Variants in ROR1 observed in about 807,000 individuals in gnomAD.
The protein encoded by ROR1 is ROR family WNT receptor 1.
ROR1 carries 19 observed loss-of-function variants against 78.8 expected under a neutral mutation model. That is an observed-to-expected ratio of 0.24 (90% CI 0.17 to 0.35). ROR1 has a LOEUF of 0.35. Ranked by LOEUF, ROR1 falls within the 10% of genes least tolerant of loss-of-function variation. The pLI is 1.00. For synonymous variants in ROR1, 386 were observed against 433.6 expected, an observed-to-expected ratio of 0.89 and a Z score of 1.36; for missense variants, 917 against 1,177.8, an observed-to-expected ratio of 0.78 and a Z score of 3.24.
At chr1:63,967,667 G>T (rs575800517) in intron 1 of ROR1, among the ~76,000 whole-genome samples, 1 of 152,296 alleles carries the variant, frequency 6.6e-6, no homozygotes, top group Non-Finnish European at 1.5e-5. Context: ...AAAGTGACCT[G>T]CCCCAGTCCT....
Position 63,915,983 on chromosome 1 carries a change from A to G in ROR1, c.92-93322A>G, listed in dbSNP as rs187990344. Among the ~76,000 whole-genome samples the G allele has an allele frequency of 2.0e-5, 3 of 152,256 alleles. No homozygotes were observed. The East Asian group carries it at 5.8e-4, about 29-fold the overall frequency. ...CCACTGCAGTGTCCCTCTGGGAAAC[A>G]TGAATCTGTTCCTGGCACCTCTCTA... is the stretch of plus-strand genomic sequence containing the variant. On this transcript the variant is annotated intron_variant, in intron 1 of 8. Coordinates refer to ENST00000371079, the MANE Select transcript of ROR1 (RefSeq NM_005012.4).
intron 1 of ROR1, among the ~76,000 whole-genome samples, chr1:63,938,470 G>A (rs1645810692): frequency 6.6e-6 from 1 of 152,042 alleles, no homozygotes; most frequent in South Asian, 2.1e-4. Flanking sequence ...TCCCCACACT[G>A]AGCACCATTT....
chr1:63,965,346 G>A (rs978646340), intron 1 of ROR1, among the ~76,000 whole-genome samples: 6 of 152,030 alleles, frequency 3.9e-5, no homozygotes, highest in African/African-American at 7.2e-5. Context: ...CTTGCTTCTC[G>A]GCACTTGCTC....
intron 7 of ROR1, among the ~76,000 whole-genome samples, chr1:64,147,101 A>G (rs1158412303): frequency 2.0e-5 from 3 of 152,244 alleles, no homozygotes; most frequent in Non-Finnish European, 4.4e-5. Context: ...GGATTACATC[A>G]TGCCGATTTC....
chr1:63,986,575 G>T (rs576625029), intron 1 of ROR1, among the ~76,000 whole-genome samples: 3 of 152,186 alleles, frequency 2.0e-5, no homozygotes, highest in Non-Finnish European at 4.4e-5. Flanking sequence ...GCCCAGCAAA[G>T]GTTCTAACCC....
intron 1 of ROR1, among the ~76,000 whole-genome samples, chr1:63,991,504 G>A (rs1024714629): frequency 3.3e-5 from 5 of 152,174 alleles, no homozygotes; most frequent in Admixed American, 2.6e-4. Context: ...TTGGAATGAT[G>A]CCACACTGCC....
At chr1:64,050,111 G>T in intron 3 of ROR1, 133 bp downstream of exon 3, 2 of 1,001,110 alleles carry the variant, frequency 2.0e-6, no homozygotes, top group Non-Finnish European at 2.9e-6. Context: ...CCCTAAACCT[G>T]GTATGGTTGT....
At chr1:63,938,275 A>C (rs1269551436) in intron 1 of ROR1, among the ~76,000 whole-genome samples, 1 of 152,214 alleles carries the variant, frequency 6.6e-6, no homozygotes, top group Non-Finnish European at 1.5e-5. Context: ...TCTGGAGATG[A>C]TTTAAAGTAT....
At chr1:63,814,424 C>T (rs932671625) in intron 1 of ROR1, among the ~76,000 whole-genome samples, 1 of 152,106 alleles carries the variant, frequency 6.6e-6, no homozygotes, top group South Asian at 2.1e-4. Context: ...AGTTCTTCCA[C>T]CGATGGGGTG....
chr1:64,067,033 T>G (rs1238941512), intron 4 of ROR1, among the ~76,000 whole-genome samples: 2 of 152,154 alleles, frequency 1.3e-5, no homozygotes, highest in African/African-American at 4.8e-5. Context: ...CAGGACATCT[T>G]AATTCAGATG....
intron 2 of ROR1, among the ~76,000 whole-genome samples, chr1:64,048,394 T>C (rs1217884443): frequency 1.3e-5 from 2 of 152,190 alleles, no homozygotes; most frequent in South Asian, 2.1e-4. Context: ...GACAGTAGTA[T>C]ACACTGAGGA....
chr1:64,092,940 C>T (rs999427259), intron 4 of ROR1, among the ~76,000 whole-genome samples: 7 of 152,194 alleles, frequency 4.6e-5, no homozygotes, highest in South Asian at 2.1e-4. Context: ...CATCCATCAT[C>T]GGTGGGGCTT....
At chr1:63,985,614 C>T (rs1041371086) in intron 1 of ROR1, among the ~76,000 whole-genome samples, 1 of 151,982 alleles carries the variant, frequency 6.6e-6, no homozygotes, top group African/African-American at 2.4e-5. Context: ...TGGTGGTTCA[C>T]ACATGTATGT....
intron 8 of ROR1, among the ~76,000 whole-genome samples, chr1:64,162,727 C>G (rs1242718148): frequency 2.0e-5 from 3 of 152,166 alleles, no homozygotes; most frequent in African/African-American, 7.2e-5. Context: ...TGTAGTGTTG[C>G]CTAAACTAAG....
intron 1 of ROR1, among the ~76,000 whole-genome samples, chr1:63,853,636 T>C (rs1645130307): frequency 6.6e-6 from 1 of 152,238 alleles, no homozygotes; most frequent in Non-Finnish European, 1.5e-5. Context: ...TGCTTTGCTC[T>C]TATATCTTGT....
At chr1:63,898,579 A>G (rs1033315122) in intron 1 of ROR1, among the ~76,000 whole-genome samples, 3 of 151,680 alleles carry the variant, frequency 2.0e-5, no homozygotes, top group Non-Finnish European at 4.4e-5. Context: ...GGAAGGAAGG[A>G]AAGAGAGAGA....
intron 1 of ROR1, among the ~76,000 whole-genome samples, chr1:63,935,089 T>C (rs1473167187): frequency 6.6e-6 from 1 of 150,984 alleles, no homozygotes; most frequent in African/African-American, 2.4e-5. Context: ...AAGTAGCCTG[T>C]TGGTTTTTTG....
chr1:63,890,175 C>T (rs1645384308), intron 1 of ROR1, among the ~76,000 whole-genome samples: 1 of 151,936 alleles, frequency 6.6e-6, no homozygotes, highest in African/African-American at 2.4e-5. Flanking sequence ...CATCTATCTG[C>T]TTTTTAATGT....
chr1:63,782,334 T>C (rs1421707350), intron 1 of ROR1, among the ~76,000 whole-genome samples: 2 of 152,156 alleles, frequency 1.3e-5, no homozygotes, highest in Non-Finnish European at 2.9e-5. Context: ...TTTTTGTCGC[T>C]TGTAGGCTTG....
Sources: gnomAD v4.1 joint callset for allele counts (sites outside exome capture counted in the v4.1 genomes callset) on GRCh38, gnomAD v4.1.1 for gene constraint, MANE v1.5 for transcripts, NCBI Gene and HGNC (gene_info 2026-07-23, HGNC 2026-07-21) for gene names.